The following TNRC6A variants were observed in gnomAD, a reference collection of about 807,000 sequenced individuals.
TNRC6A encodes trinucleotide repeat containing adaptor 6A.
A neutral mutation model predicts 221.2 loss-of-function variants in TNRC6A; 44 were observed. The observed-to-expected ratio is 0.20, with a 90% CI of 0.16 to 0.26. TNRC6A has a LOEUF of 0.26. Ranked by LOEUF, TNRC6A falls within the 10% of genes least tolerant of loss-of-function variation. The pLI, the probability that TNRC6A is intolerant of heterozygous loss-of-function variation, is 1.00. For missense variants in TNRC6A, 2,199 were observed against 2,404.4 expected, an observed-to-expected ratio of 0.91 and a Z score of 1.79; for synonymous variants, 847 against 838.5, an observed-to-expected ratio of 1.01 and a Z score of -0.18.
intron 18 of TNRC6A, among the ~76,000 whole-genome samples, chr16:24,809,931 G>T (rs1419162822): frequency 2.0e-5 from 3 of 152,138 alleles, no homozygotes; most frequent in Non-Finnish European, 4.4e-5. Flanking sequence ...TCCTACCTCA[G>T]CCTCCTGAGT....
intron 2 of TNRC6A, among the ~76,000 whole-genome samples, chr16:24,698,278 G>A (rs551869874): frequency 4.6e-5 from 7 of 152,218 alleles, no homozygotes; most frequent in Admixed American, 1.3e-4. Flanking sequence ...TGGAAGAAGC[G>A]GTGGTTTGGG....
intron 8 of TNRC6A, 25 bp downstream of exon 8, chr16:24,794,744 T>A: frequency 6.3e-7 from 1 of 1,577,402 alleles, no homozygotes; most frequent in Non-Finnish European, 8.6e-7. Context: ...GGCAAAGCCC[T>A]TGAAACTTTA....
intron 2 of TNRC6A, among the ~76,000 whole-genome samples, chr16:24,703,035 A>AAAAAT (rs71156434): frequency 0.013 from 1,910 of 147,886 alleles, 21 homozygotes; most frequent in South Asian, 0.02. Flanking sequence ...ACTCTGTGTC[A>AAAAAT]AAAATAAAAT....
At chr16:24,703,216 G>A (rs1256248184) in intron 2 of TNRC6A, among the ~76,000 whole-genome samples, 5 of 150,788 alleles carry the variant, frequency 3.3e-5, no homozygotes, top group Admixed American at 1.3e-4. Flanking sequence ...ACTCACTCCC[G>A]GCCCCCAGCA....
At chr16:24,758,185 C>T (rs1439665525) in intron 3 of TNRC6A, among the ~76,000 whole-genome samples, 154 bp from the exon 4 acceptor site, 2 of 152,126 alleles carry the variant, frequency 1.3e-5, no homozygotes, top group African/African-American at 4.8e-5. Context: ...GCTTTCCTTG[C>T]ATATCTTTTC....
At chr16:24,660,721 C>CT (rs1361639293) in intron 2 of TNRC6A, among the ~76,000 whole-genome samples, 2 of 126,764 alleles carry the variant, frequency 1.6e-5, no homozygotes, top group Admixed American at 8.3e-5. Flanking sequence ...CTTTCTTTTT[C>CT]TTTTTTCTTT....
intron 4 of TNRC6A, among the ~76,000 whole-genome samples, chr16:24,771,582 T>TTGTGATGTTATGTTA (rs1555502170): frequency 0.015 from 1,421 of 95,490 alleles, 15 homozygotes; most frequent in Middle Eastern, 0.042. Flanking sequence ...TTATGTTATG[T>TTGTGATGTTATGTTA]TGTTATGTTA....
chr16:24,670,282 G>A (rs2055268590), intron 2 of TNRC6A, among the ~76,000 whole-genome samples: 1 of 151,964 alleles, frequency 6.6e-6, no homozygotes, highest in Non-Finnish European at 1.5e-5. Flanking sequence ...TTACAGATGA[G>A]GACATTGAGG....
intron 2 of TNRC6A, among the ~76,000 whole-genome samples, chr16:24,730,598 G>A (rs994496576): frequency 9.9e-5 from 15 of 151,706 alleles, no homozygotes; most frequent in African/African-American, 3.6e-4. Context: ...AATTACTATT[G>A]TAAATGGTTG....
At chr16:24,692,047 A>G (rs2055765856) in intron 2 of TNRC6A, among the ~76,000 whole-genome samples, 1 of 152,220 alleles carries the variant, frequency 6.6e-6, no homozygotes, top group Admixed American at 6.5e-5. Context: ...GAGCGAGGCA[A>G]CACAAGTCAG....
chr16:24,676,699 C>T (rs2055426400), intron 2 of TNRC6A, among the ~76,000 whole-genome samples: 1 of 152,096 alleles, frequency 6.6e-6, no homozygotes, highest in Non-Finnish European at 1.5e-5. Context: ...AGCAATCCAC[C>T]CCCGTCAGCC....
chr16:24,657,034 G>A (rs948269091), intron 2 of TNRC6A, among the ~76,000 whole-genome samples: 3 of 151,638 alleles, frequency 2.0e-5, no homozygotes, highest in South Asian at 2.1e-4. Context: ...CTAGAGAGGC[G>A]GGGCATGGTG....
chr16:24,745,610 G>C (rs548312601), intron 2 of TNRC6A, among the ~76,000 whole-genome samples: 43 of 152,238 alleles, frequency 2.8e-4, no homozygotes, highest in Admixed American at 3.9e-4. Context: ...GTTGCTTCCT[G>C]TTTTCTGTCT....
intron 4 of TNRC6A, among the ~76,000 whole-genome samples, chr16:24,768,630 A>G (rs529329274): frequency 6.8e-4 from 104 of 152,270 alleles, no homozygotes; most frequent in African/African-American, 2.5e-3. Context: ...AATTTTAGGT[A>G]AATTTAAAGT....
In TNRC6A at chr16:24,683,587, A is replaced by G. The variant is rs542800597; in HGVS notation, n.402+42578A>G. Reference sequence around the variant, plus strand: ...GCTGTGTTCATCACCAACATCAGCCACCCTCTTCCCCATGGGAGGTGGTAG... The same window carrying G: ...GCTGTGTTCATCACCAACATCAGCCGCCCTCTTCCCCATGGGAGGTGGTAG... On this transcript the variant is annotated intron_variant and non_coding_transcript_variant, in intron 2 of 2. Coordinates refer to the TNRC6A transcript ENST00000566108. 2.0e-5 allele frequency among the ~76,000 whole-genome samples: 3 copies of G among 152,224 alleles called. No individual in the cohort carries two copies. The East Asian group carries it at 5.8e-4, about 29-fold the overall frequency.
chr16:24,776,980 T>TCTG lies in TNRC6A; in HGVS notation c.213_214insGCT (p.Ser71_Asn72insAla). The TCTG allele has an allele frequency of 6.2e-7, 1 of 1,614,102 alleles. No homozygotes were observed. The highest frequency in any genetic ancestry group is 8.5e-7 in the Non-Finnish European group (1 of 1,180,020). ...TGTAAGCCAGCCTCAGCCTGCCAAC[T>TCTG]CTAATAACGGCACTTCCACAGCAAC... On this transcript the variant is annotated inframe_insertion, in exon 5 of 25. Transcript: ENST00000395799.
intron 2 of TNRC6A, among the ~76,000 whole-genome samples, chr16:24,748,965 C>G (rs971262640): frequency 3.3e-5 from 5 of 152,158 alleles, no homozygotes; most frequent in Non-Finnish European, 7.3e-5. Context: ...AGCTCCACCT[C>G]CCAGTTTCAC....
chr16:24,632,966 G>A (rs1235967981), intron 1 of TNRC6A, among the ~76,000 whole-genome samples: 1 of 147,372 alleles, frequency 6.8e-6, no homozygotes, highest in African/African-American at 2.5e-5. Context: ...TCGAGATTGC[G>A]CCATTGCACT....
intron 2 of TNRC6A, among the ~76,000 whole-genome samples, chr16:24,682,560 G>A (rs143409138): frequency 3.9e-5 from 6 of 152,154 alleles, no homozygotes; most frequent in Admixed American, 1.3e-4. Context: ...CTCTACAAAC[G>A]GAGGGCAGAA....
Sources: allele counts gnomAD v4.1 joint callset (sites outside exome capture counted in the v4.1 genomes callset), GRCh38; gene constraint gnomAD v4.1.1; transcripts MANE v1.5; gene names NCBI Gene and HGNC (gene_info 2026-07-23, HGNC 2026-07-21).